Variants in DCAF8L2 observed in about 807,000 individuals in gnomAD.
The protein encoded by DCAF8L2 is DDB1- and CUL4-associated factor 8-like protein 2.
For missense variants in DCAF8L2, 430 were observed against 490.7 expected (o/e 0.88, Z 1.17); for synonymous variants, 200 against 190.9 (o/e 1.05, Z -0.39).
chrX:27,742,567 T>TCAAAAA (rs1208191032), intron 4 of DCAF8L2, among the ~76,000 whole-genome samples: 22 of 99,615 alleles, frequency 2.2e-4, no homozygotes, highest in African/African-American at 7.1e-4. Flanking sequence ...AGACTCCATC[T>TCAAAAA]CAAAAACAAA....
chrX:27,596,077 G>A (rs1348596105), intron 1 of DCAF8L2, among the ~76,000 whole-genome samples: 1 of 112,024 alleles, frequency 8.9e-6, no homozygotes, highest in Non-Finnish European at 1.9e-5. Flanking sequence ...CTTGAACACA[G>A]AAATCATTTG....
chrX:27,502,503 G>T, the DCAF8L2 span, among the ~76,000 whole-genome samples: 1 of 102,989 alleles, frequency 9.7e-6, no homozygotes, highest in African/African-American at 3.5e-5. Context: ...TTTACCAGGG[G>T]TTGGACTCTT....
chrX:27,621,404 A>T (rs1927751738), intron 1 of DCAF8L2, among the ~76,000 whole-genome samples: 1 of 111,760 alleles, frequency 8.9e-6, no homozygotes, highest in Non-Finnish European at 1.9e-5. Context: ...GTATTTTAAC[A>T]TAACAAAAAT....
At position 27,599,717 on chromosome X, in the gene DCAF8L2, G is replaced by A. The variant is rs1368035786; in HGVS notation, c.-342+9277G>A. On this transcript the variant is annotated intron_variant, in intron 1 of 4. Transcript: ENST00000451261. ...CAATACTTGAATTTGCCCCCGCCCC[G>A]TGCACTGAGACATGTAAAAGAATGG... Among the ~76,000 whole-genome samples the A allele has an allele frequency of 2.7e-5, 3 of 110,625 alleles. No homozygotes were observed. In the East Asian group the frequency reaches 8.5e-4, roughly 32 times the overall value.
intron 2 of DCAF8L2, among the ~76,000 whole-genome samples, chrX:27,645,788 C>T (rs779122188): frequency 5.2e-4 from 58 of 110,624 alleles, no homozygotes; most frequent in South Asian, 1.2e-3. Context: ...AAGCAGAGAG[C>T]CAAATCATCA....
At chrX:27,502,317 TA>T in the DCAF8L2 span, among the ~76,000 whole-genome samples, 80 of 13,940 alleles carry the variant, frequency 5.7e-3, 1 homozygote, top group South Asian at 0.013. Flanking sequence ...TGAAACTCTG[TA>T]AAAAAAAAAA....
At chrX:27,702,935 T>G (rs1931185355) in intron 3 of DCAF8L2, among the ~76,000 whole-genome samples, 1 of 111,381 alleles carries the variant, frequency 9.0e-6, no homozygotes, top group Non-Finnish European at 1.9e-5. Flanking sequence ...CCTGACCTTG[T>G]GTACAGGAAA....
the DCAF8L2 span, among the ~76,000 whole-genome samples, chrX:27,546,606 A>G: frequency 1.3e-3 from 148 of 112,433 alleles, no homozygotes; most frequent in African/African-American, 4.5e-3. Context: ...CATACTGTAA[A>G]ATCTAAGGAT....
the DCAF8L2 span, among the ~76,000 whole-genome samples, chrX:27,569,822 C>T: frequency 9.0e-6 from 1 of 111,437 alleles, no homozygotes; most frequent in Non-Finnish European, 1.9e-5. Context: ...TTCTCAGTAT[C>T]TGTGTGATCT....
chrX:27,739,102 A>T (rs922746817), intron 4 of DCAF8L2, among the ~76,000 whole-genome samples: 2 of 110,730 alleles, frequency 1.8e-5, no homozygotes, highest in African/African-American at 6.6e-5. Flanking sequence ...GATAAATCTG[A>T]TTTAAAAAAA....
intron 3 of DCAF8L2, among the ~76,000 whole-genome samples, chrX:27,704,322 TG>T (rs1449164552): frequency 1.9e-3 from 207 of 107,408 alleles, no homozygotes; most frequent in African/African-American, 6.8e-3. Context: ...ATATACACAA[TG>T]GAATATTATC....
At chrX:27,736,721 A>G (rs1921540436) in intron 4 of DCAF8L2, among the ~76,000 whole-genome samples, 1 of 112,100 alleles carries the variant, frequency 8.9e-6, no homozygotes, top group Admixed American at 9.5e-5. Flanking sequence ...TCAACTTATC[A>G]ATATGCCTTT....
At chrX:27,658,927 T>C (rs1929452765) in intron 2 of DCAF8L2, among the ~76,000 whole-genome samples, 1 of 112,284 alleles carries the variant, frequency 8.9e-6, no homozygotes. Context: ...CATTAACTGA[T>C]GGATTAAAAT....
At chrX:27,472,413 A>G in the DCAF8L2 span, among the ~76,000 whole-genome samples, 23 of 111,710 alleles carry the variant, frequency 2.1e-4, no homozygotes, top group Middle Eastern at 4.6e-3. Context: ...AAGTTCTGGG[A>G]TACATGTGCA....
chrX:27,552,573 T>C, the DCAF8L2 span, among the ~76,000 whole-genome samples: 1 of 112,216 alleles, frequency 8.9e-6, no homozygotes, highest in African/African-American at 3.2e-5. Context: ...CAATGTGTTC[T>C]CTTGGTGCCT....
At chrX:27,498,467 A>G in the DCAF8L2 span, among the ~76,000 whole-genome samples, 1 of 112,750 alleles carries the variant, frequency 8.9e-6, no homozygotes, top group Non-Finnish European at 1.9e-5. Context: ...AGTGTACAAC[A>G]TGATGTTTTG....
chrX:27,630,811 T>G (rs1419036273), intron 1 of DCAF8L2, among the ~76,000 whole-genome samples: 3 of 112,132 alleles, frequency 2.7e-5, no homozygotes, highest in Non-Finnish European at 5.6e-5. Flanking sequence ...ACCAGCAGAT[T>G]CTATGTCTGG....
upstream of DCAF8L2, among the ~76,000 whole-genome samples, chrX:27,589,238 T>A (rs1925977929): frequency 9.0e-6 from 1 of 111,727 alleles, no homozygotes; most frequent in South Asian, 3.7e-4. Flanking sequence ...TATAGAGTGG[T>A]CATGGGCTTA....
chrX:27,722,990 TA>T (rs1378018651), intron 4 of DCAF8L2, among the ~76,000 whole-genome samples: 1 of 110,640 alleles, frequency 9.0e-6, no homozygotes, highest in African/African-American at 3.3e-5. Flanking sequence ...CAAAATCCAT[TA>T]AAAATCATTA....
Sources: allele counts gnomAD v4.1 joint callset (sites outside exome capture counted in the v4.1 genomes callset), GRCh38; gene constraint gnomAD v4.1.1; transcripts MANE v1.5; gene names NCBI Gene and HGNC (gene_info 2026-07-23, HGNC 2026-07-21).